The following KAZALD1 variants were observed in gnomAD, a reference collection of about 807,000 sequenced individuals.
KAZALD1 encodes kazal-type serine protease inhibitor domain-containing protein 1.
A neutral mutation model predicts 27.7 loss-of-function variants in KAZALD1; 31 were observed. The observed-to-expected ratio is 1.12, with a 90% CI of 0.84 to 1.51. KAZALD1 has a LOEUF of 1.51. KAZALD1 is among the 40% of genes most tolerant of loss of function. The pLI, the probability that KAZALD1 is intolerant of heterozygous loss-of-function variation, is 0.00. For synonymous variants in KAZALD1, 179 were observed against 182.0 expected, an observed-to-expected ratio of 0.98 and a Z score of 0.13; for missense variants, 444 against 408.9, an observed-to-expected ratio of 1.09 and a Z score of -0.74.
At chr10:101,063,255 G>A in intron 2 of KAZALD1, 152 bp downstream of exon 2, 1 of 661,562 alleles carries the variant, frequency 1.5e-6, no homozygotes, top group Non-Finnish European at 2.3e-6. Context: ...TCTCGCTACT[G>A]GTTCATAAAA....
rs1939283445 is a variant in KAZALD1 at position 101,064,974 on chromosome 10, C to G, written c.*54C>G. ...TGAGCGGCTATAGTGTTCATCCCTG[C>G]TCTTGAAAAGACCTGGAAAGGGGAG... is the stretch of plus-strand genomic sequence containing the variant. On this transcript the variant is annotated 3_prime_UTR_variant, in exon 5 of 5. Coordinates refer to ENST00000370200, the MANE Select transcript of KAZALD1 (RefSeq NM_030929.5). 3 of 1,322,266 alleles carry G rather than the reference C, an allele frequency of 2.3e-6. No homozygotes were observed. The highest frequency in any genetic ancestry group is 3.3e-6 in the Non-Finnish European group (3 of 918,056). 81.9% of individuals were successfully genotyped at this position (1,322,266 alleles called of 1,614,324 possible). A position where few individuals can be genotyped will look rare whatever the true frequency, so the allele number is the denominator to read the frequency against.
Position 101,062,914 on chromosome 10 carries a change from T to C in KAZALD1, c.322T>C (p.Cys108Arg), listed in dbSNP as rs1564656419. 2 of 1,603,056 alleles carry C rather than the reference T, an allele frequency of 1.2e-6. No homozygotes were observed. Among genetic ancestry groups the C allele is most frequent in the African/African-American group, 2.7e-5 (2 of 74,898 alleles). Residue 108 changes from cysteine to arginine, a missense_variant, in exon 2 of 5, where the codon TGC (cysteine) becomes CGC (arginine). Coordinates refer to ENST00000370200, the MANE Select transcript of KAZALD1 (RefSeq NM_030929.5). The part of the protein sequence containing the change: ...FYGHCGEQLE[C>R]RLDTGGDLSR... ...CGGGCACTGCGGCGAGCAGCTTGAG[T>C]GCCGGCTGGACACAGGCGGCGACCT... is the stretch of plus-strand genomic sequence containing the variant.
chr10:101,062,860 T>G lies in KAZALD1; in HGVS notation c.268T>G (p.Cys90Gly). Residue 90 changes from cysteine to glycine, a missense_variant, in exon 2 of 5, where the codon TGC becomes GGC. By Grantham distance (159) the Cys-to-Gly change is radical. Transcript: ENST00000370200. ...WECANLEGQLCDLDPSAHFYG... is the reference protein window; with the variant it reads ...WECANLEGQLGDLDPSAHFYG... ...ATGCGCCAACCTCGAGGGCCAGCTC[T>G]GCGACCTGGACCCCAGTGCTCACTT... 6.2e-7 allele frequency: 1 copy of G among 1,600,140 alleles called. No homozygotes were observed. Among genetic ancestry groups the G allele is most frequent in the Non-Finnish European group, 8.5e-7 (1 of 1,178,282 alleles).
chr10:101,062,436 G>A (rs1939181506), intron 1 of KAZALD1, 106 bp from the exon 2 acceptor site: 1 of 1,131,014 alleles, frequency 8.8e-7, no homozygotes, highest in East Asian at 2.8e-5. Context: ...TGGTAGCAGG[G>A]GAGGGGGCGA....
intron 4 of KAZALD1, 85 bp from the exon 5 acceptor site, chr10:101,064,741 A>G: frequency 6.2e-7 from 1 of 1,601,126 alleles, no homozygotes; most frequent in East Asian, 2.2e-5. Flanking sequence ...TGTATACACA[A>G]GCATAGCCTT....
In KAZALD1 at chr10:101,064,880, A is replaced by G; in HGVS notation, c.875A>G (p.Glu292Gly). Residue 292 changes from glutamate to glycine, a missense_variant, in exon 5 of 5, where the codon GAG becomes GGG. Transcript: ENST00000370200. ...PQLRSLNLVPEEEAESEENDD... is the reference protein window; with the variant it reads ...PQLRSLNLVPGEEAESEENDD... ...CTGCGATCACTAAACCTGGTTCCTG[A>G]GGAGGAGGCTGAGAGTGAAGAGAAT... The G allele has an allele frequency of 6.2e-7, 1 of 1,614,062 alleles. No individual in the cohort carries two copies. The highest frequency in any genetic ancestry group is 8.5e-7 in the Non-Finnish European group (1 of 1,179,964).
In KAZALD1 at chr10:101,065,722, G is replaced by A. The variant is rs1318462614; in HGVS notation, c.*802G>A. 1 of 152,296 alleles carries A rather than the reference G, an allele frequency of 6.6e-6. No homozygotes were observed. Among genetic ancestry groups the A allele is most frequent in the East Asian group, 1.9e-4 (1 of 5,204 alleles). The allele number at this position is 152,296 out of a possible 1,614,324, so 9.4% of individuals were successfully genotyped here. On this transcript the variant is annotated 3_prime_UTR_variant, in exon 5 of 5. Coordinates refer to ENST00000370200, the MANE Select transcript of KAZALD1 (RefSeq NM_030929.5). ...TGCCTGCCAGATGTACAAAGAGAAA[G>A]TTTGAACTTGGGCCTATCCCGCCTT...
At position 101,066,601 on chromosome 10, in the gene KAZALD1, G is replaced by T. The variant is rs1409179849; in HGVS notation, c.*1681G>T. 7 of 422,994 alleles carry T rather than the reference G, an allele frequency of 1.7e-5. No individual in the cohort carries two copies. Among genetic ancestry groups the T allele is most frequent in the Non-Finnish European group, 3.4e-5 (7 of 204,934 alleles). The allele number at this position is 422,994 out of a possible 1,614,324, so 26.2% of individuals were successfully genotyped here. A position where few individuals can be genotyped will look rare whatever the true frequency, so the allele number is the denominator to read the frequency against. ...GCGCTGTGGCCAAAATCCGCCCGGC[G>T]CTGAAAGAGGGGACGTGGGTGTGAG... On this transcript the variant is annotated 3_prime_UTR_variant, in exon 5 of 5. Transcript: ENST00000370200.
At chr10:101,064,799 CTCT>C in intron 4 of KAZALD1, 24 bp from the exon 5 acceptor site, 1 of 1,611,358 alleles carries the variant, frequency 6.2e-7, no homozygotes. Context: ...CTCCTGTTCT[CTCT>C]TCTTTGCCCA....
At position 101,062,816 on chromosome 10, in the gene KAZALD1, C is replaced by T; in HGVS notation, c.224C>T (p.Ala75Val). The change falls in exon 2 of 5, where the codon GCG becomes GTG. Residue 75 changes from alanine (A) to valine (V), a missense_variant. Coordinates refer to ENST00000370200, the MANE Select transcript of KAZALD1 (RefSeq NM_030929.5). ...RGCLAGRVRD[A>V]CGCCWECANL... ...TGCCTGGCGGGCAGGGTGCGCGACG[C>T]GTGCGGCTGCTGCTGGGAATGCGCC... The T allele has an allele frequency of 6.3e-7, 1 of 1,584,808 alleles. No homozygotes were observed. The highest frequency in any genetic ancestry group is 8.5e-7 in the Non-Finnish European group (1 of 1,171,894).
chr10:101,063,626 G>C (rs183451936), intron 2 of KAZALD1, among the ~76,000 whole-genome samples: 1 of 152,348 alleles, frequency 6.6e-6, no homozygotes, highest in African/African-American at 2.4e-5. Context: ...CAGGCCTCTA[G>C]CTTTCCTTGG....
chr10:101,065,615 G>T lies in KAZALD1; in HGVS notation c.*695G>T, dbSNP rs1232666189. 6.6e-6 allele frequency: 1 copy of T among 152,204 alleles called. No homozygotes were observed. The highest frequency in any genetic ancestry group is 2.4e-5 in the African/African-American group (1 of 41,228). The allele number at this position is 152,204 out of a possible 1,614,324, so 9.4% of individuals were successfully genotyped here. ...AGACAGTTTATGCAGATGTGCACATGAAAACTGAATATCCCTGGGAGGCCT... is the reference window on the plus strand; with the variant it reads ...AGACAGTTTATGCAGATGTGCACATTAAAACTGAATATCCCTGGGAGGCCT... On this transcript the variant is annotated 3_prime_UTR_variant, in exon 5 of 5. Coordinates refer to ENST00000370200, the MANE Select transcript of KAZALD1 (RefSeq NM_030929.5).
chr10:101,067,540 C>T (rs954540391), downstream of KAZALD1: 1 of 354,428 alleles, frequency 2.8e-6, no homozygotes, highest in Non-Finnish European at 5.6e-6. Context: ...TACCTCTCTC[C>T]TCCATCTAGA....
rs1451105980 is a variant in KAZALD1, at chr10:101,066,397, T to A, written c.*1477T>A. The A allele has an allele frequency of 2.2e-6, 1 of 456,772 alleles. No individual in the cohort carries two copies. The allele number at this position is 456,772 out of a possible 1,614,324, so 28.3% of individuals were successfully genotyped here. A position where few individuals can be genotyped will look rare whatever the true frequency, so the allele number is the denominator to read the frequency against. On this transcript the variant is annotated 3_prime_UTR_variant, in exon 5 of 5. Coordinates refer to ENST00000370200, the MANE Select transcript of KAZALD1 (RefSeq NM_030929.5). Reference sequence around the variant, plus strand: ...CGCGGCTACGCACTACTCCATCTACTGCTGGCTTGCCCCGGGTCCTTAAGC... The same window carrying A: ...CGCGGCTACGCACTACTCCATCTACAGCTGGCTTGCCCCGGGTCCTTAAGC...
rs1939269201 is a variant in KAZALD1, at chr10:101,064,640, T to C, written c.812T>C (p.Leu271Pro). The C allele has an allele frequency of 6.2e-7, 1 of 1,613,476 alleles. No homozygotes were observed. Among genetic ancestry groups the C allele is most frequent in the Admixed American group, 1.7e-5 (1 of 60,008 alleles). The change falls in exon 4 of 5, where the codon CTC (leucine) becomes CCC (proline). Residue 271 changes from leucine (L) to proline (P), a missense_variant. Physicochemically the swap from Leu to Pro is moderately conservative, Grantham distance 98. Transcript: ENST00000370200. The part of the protein sequence containing the change: ...QVEAPASLTV[L>P]TPDQLNSTGI... ...GAGGCCCCTGCTAGCTTGACAGTGC[T>C]CACACCTGGTAAGGGGATTCCTGAG...
chr10:101,066,833 G>GAGCAGCCTCCT lies in KAZALD1; in HGVS notation c.*1923_*1933dup. On this transcript the variant is annotated 3_prime_UTR_variant, in exon 5 of 5. Transcript: ENST00000370200. ...GTTAGCCGACTTTGTAGGTGTTCAG[G>GAGCAGCCTCCT]AGCAGCCTCCTAGCAGCCTCAGTTT... 3.1e-6 allele frequency: 1 copy of GAGCAGCCTCCT among 325,232 alleles called. No individual in the cohort carries two copies. Among genetic ancestry groups the GAGCAGCCTCCT allele is most frequent in the Non-Finnish European group, 6.0e-6 (1 of 166,974 alleles). 20.1% of individuals were successfully genotyped at this position (325,232 alleles called of 1,614,324 possible). A position where few individuals can be genotyped will look rare whatever the true frequency, so the allele number is the denominator to read the frequency against.
chr10:101,065,231 A>C lies in KAZALD1; in HGVS notation c.*311A>C, dbSNP rs1848308857. ...CTGGGGTGGGGGCCTGAGCAGACAC[A>C]GAGGTGCAGGCACCAGGATTCTCCA... On this transcript the variant is annotated 3_prime_UTR_variant, in exon 5 of 5. Transcript: ENST00000370200. 1 of 330,634 alleles carries C rather than the reference A, an allele frequency of 3.0e-6. No individual in the cohort carries two copies. Among genetic ancestry groups the C allele is most frequent in the Admixed American group, 4.4e-5 (1 of 22,688 alleles). The allele number at this position is 330,634 out of a possible 1,614,324, so 20.5% of individuals were successfully genotyped here.
intron 1 of KAZALD1, among the ~76,000 whole-genome samples, 153 bp downstream of exon 1, chr10:101,062,268 T>A (rs985697782): frequency 6.6e-6 from 1 of 152,006 alleles, no homozygotes; most frequent in African/African-American, 2.4e-5. Context: ...TGCACGGAAG[T>A]GGTGCTGGTG....
rs896326185 is a variant in KAZALD1 at position 101,066,040 on chromosome 10, C to T, written c.*1120C>T. Among the ~76,000 whole-genome samples, 11 of 152,252 alleles carry T rather than the reference C, an allele frequency of 7.2e-5. No individual in the cohort carries two copies. The highest frequency in any genetic ancestry group is 2.7e-4 in the African/African-American group (11 of 41,470). On this transcript the variant is annotated 3_prime_UTR_variant, in exon 5 of 5. Transcript: ENST00000370200. ...CATGGTAAGGCTGTTTCCTATCTGCCCCAATTGTGACCTGTCCTCTCTGGC... is the reference window on the plus strand; with the variant it reads ...CATGGTAAGGCTGTTTCCTATCTGCTCCAATTGTGACCTGTCCTCTCTGGC...
Sources: allele counts gnomAD v4.1 joint callset (sites outside exome capture counted in the v4.1 genomes callset), GRCh38; gene constraint gnomAD v4.1.1; transcripts MANE v1.5; gene names NCBI Gene and HGNC (gene_info 2026-07-23, HGNC 2026-07-21).